The following LBR variants were observed in gnomAD, a reference collection of about 807,000 sequenced individuals.
LBR encodes lamin B receptor, also known as delta(14)-sterol reductase LBR.
Under a neutral mutation model 74.3 loss-of-function variants are expected in LBR, and 28 were observed. That is an observed-to-expected ratio of 0.38 (90% CI 0.28 to 0.52). The LOEUF (loss-of-function observed/expected upper bound fraction) is 0.52. Among genes scored for constraint, LBR ranks in the 20% least tolerant of loss-of-function variants. The probability of loss-of-function intolerance (pLI) is 0.89; values close to 1 mark genes in which losing one functional copy is unlikely to be tolerated. For synonymous variants in LBR, 228 were observed against 269.3 expected (o/e 0.85, Z 1.50); for missense variants, 717 against 760.3 (o/e 0.94, Z 0.67).
chr1:225,401,827 G>A lies in LBR; in HGVS notation c.*1476C>T, dbSNP rs564811845. Reference sequence around the variant, plus strand: ...CTAAAAGAATGTTTAAAGACTACCGGATGCTGGAGCAAACCAACTTCATGA... The same window carrying A: ...CTAAAAGAATGTTTAAAGACTACCGAATGCTGGAGCAAACCAACTTCATGA... On this transcript the variant is annotated 3_prime_UTR_variant, in exon 14 of 14. Transcript: ENST00000272163. 1 of 152,330 alleles carries A rather than the reference G, an allele frequency of 6.6e-6. No homozygotes were observed. Among genetic ancestry groups the A allele is most frequent in the Non-Finnish European group, 1.5e-5 (1 of 68,040 alleles). 9.4% of individuals were successfully genotyped at this position (152,330 alleles called of 1,614,324 possible).
At chr1:225,421,216 G>A (rs561520506) in intron 3 of LBR, among the ~76,000 whole-genome samples, 5 of 152,284 alleles carry the variant, frequency 3.3e-5, no homozygotes, top group Admixed American at 6.5e-5. Flanking sequence ...GTCTGTTGCC[G>A]GGCGCAGTGG....
rs368528482 is a variant in LBR at position 225,404,627 on chromosome 1, T to C, written c.1563A>G (p.Ala521=). The C allele has an allele frequency of 3.1e-6, 5 of 1,607,504 alleles. No homozygotes were observed. Among genetic ancestry groups the C allele is most frequent in the Admixed American group, 3.3e-5 (2 of 60,000 alleles). The change falls in exon 12 of 14, where the codon GCA becomes GCG. Residue 521 remains alanine, a splice_region_variant and synonymous_variant. Transcript: ENST00000272163. ...ATATAAACATAAATCAATACTTACG[T>C]GCAAGCTTTGGATCACTGGGATTTT... is the stretch of plus-strand genomic sequence containing the variant. ...FRKNPSDPKL[A]HLKTIHTSTG...
At chr1:225,412,408 G>A (rs1456861027) in intron 8 of LBR, 46 bp downstream of exon 8, 1 of 1,563,484 alleles carries the variant, frequency 6.4e-7, no homozygotes, top group African/African-American at 1.4e-5. Context: ...GGCTGCTGGA[G>A]GGCTCTGGGA....
At chr1:225,404,264 A>T in intron 13 of LBR, 140 bp downstream of exon 13, 1 of 1,128,534 alleles carries the variant, frequency 8.9e-7, no homozygotes, top group Non-Finnish European at 1.3e-6. Flanking sequence ...AGGAGCTTCT[A>T]CAGAGGCCAA....
chr1:225,416,213 A>AGAG (rs1006790569), intron 6 of LBR, among the ~76,000 whole-genome samples: 3 of 137,858 alleles, frequency 2.2e-5, no homozygotes, highest in East Asian at 2.2e-4. Flanking sequence ...AAAAAAAAAA[A>AGAG]AGAGAGAGAG....
intron 3 of LBR, among the ~76,000 whole-genome samples, chr1:225,420,693 A>G (rs1296560741): frequency 6.6e-6 from 1 of 152,108 alleles, no homozygotes; most frequent in Non-Finnish European, 1.5e-5. Flanking sequence ...CCGGGGTGGT[A>G]AAGAGAGCCA....
chr1:225,423,866 C>T, intron 2 of LBR, 45 bp downstream of exon 2: 1 of 1,553,482 alleles, frequency 6.4e-7, no homozygotes, highest in Non-Finnish European at 8.9e-7. Flanking sequence ...AGAGTTATTT[C>T]CCACTTACTG....
chr1:225,411,866 G>A (rs553872524), intron 8 of LBR, among the ~76,000 whole-genome samples: 2 of 152,354 alleles, frequency 1.3e-5, no homozygotes, highest in South Asian at 2.1e-4. Context: ...CTACAGTGCA[G>A]TGGCACAGTC....
intron 11 of LBR, among the ~76,000 whole-genome samples, chr1:225,404,958 G>A (rs747433001): frequency 1.5e-4 from 23 of 152,198 alleles, no homozygotes; most frequent in East Asian, 3.9e-4. Flanking sequence ...ATGGTAACCC[G>A]TCCGAAATCT....
Position 225,403,421 on chromosome 1 carries a change from G to A in LBR, c.1730C>T (p.Thr577Ile), listed in dbSNP as rs143181005. ...AGCTTCTCGGTGGACAAGCAACATG[G>A]TGAAATAAATTATGTAGAAATAAGG... ...ILPYFYIIYF[T>I]MLLVHREARD... The change falls in exon 14 of 14, where the codon ACC becomes ATC. Residue 577 changes from threonine to isoleucine, a missense_variant. Physicochemically the swap from Thr to Ile is moderately conservative, Grantham distance 89 (BLOSUM62 -1). Transcript: ENST00000272163. The A allele has an allele frequency of 6.2e-6, 10 of 1,611,098 alleles. No individual in the cohort carries two copies. The African/African-American group carries it at 1.3e-4, about 22-fold the overall frequency.
chr1:225,408,593 A>C lies in LBR; in HGVS notation c.1314+1698T>G, dbSNP rs535332108. ...TCTTGAATACAGAGGGATTTCTATC[A>C]AGTGACCTGACAGAAGTTATTAAGC... On this transcript the variant is annotated intron_variant, in intron 10 of 13. Coordinates refer to ENST00000272163, the MANE Select transcript of LBR (RefSeq NM_002296.4). Among the ~76,000 whole-genome samples the C allele has an allele frequency of 8.5e-5, 13 of 152,380 alleles. No homozygotes were observed. The South Asian group carries it at 2.5e-3, about 29-fold the overall frequency.
Position 225,423,308 on chromosome 1 carries a change from T to C in LBR, c.165+603A>G, listed in dbSNP as rs191981216. On this transcript the variant is annotated intron_variant, in intron 2 of 13. Transcript: ENST00000272163. The stretch of plus-strand genomic sequence containing the variant: ...AAAACCCAGGCCCTCACCAGACAGG[T>C]TGAAAAGCCCTGGGCTAGACTCGAA... Among the ~76,000 whole-genome samples, 377 of 152,266 alleles carry C rather than the reference T, an allele frequency of 2.5e-3. 2 individuals are homozygous for C. Among genetic ancestry groups the C allele is most frequent in the Non-Finnish European group, 3.9e-3 (262 of 68,022 alleles).
Position 225,410,323 on chromosome 1 carries a change from G to A in LBR, c.1282C>T (p.Leu428Phe), listed in dbSNP as rs2096102122. Reference protein sequence around the residue: ...LAMILVNSFQLLYVVDALWNE... With the variant: ...LAMILVNSFQFLYVVDALWNE... Reference sequence around the variant, plus strand: ...CAGAGAGCATCCACCACATAGAGAAGCTGGAAACTATTAACTAAAATCATG... The same window carrying A: ...CAGAGAGCATCCACCACATAGAGAAACTGGAAACTATTAACTAAAATCATG... Residue 428 changes from leucine to phenylalanine, a missense_variant, in exon 10 of 14, where the codon CTT (leucine) becomes TTT (phenylalanine). Transcript: ENST00000272163. 1 of 1,614,146 alleles carries A rather than the reference G, an allele frequency of 6.2e-7. No homozygotes were observed. Among genetic ancestry groups the A allele is most frequent in the Non-Finnish European group, 8.5e-7 (1 of 1,180,022 alleles).
At chr1:225,417,921 C>T in intron 6 of LBR, 63 bp downstream of exon 6, 1 of 1,485,226 alleles carries the variant, frequency 6.7e-7, no homozygotes, top group Non-Finnish European at 9.3e-7. Flanking sequence ...AATTGGAGAC[C>T]CGCCTGGACA....
intron 7 of LBR, chr1:225,414,139 A>G (rs776948675): frequency 3.7e-5 from 17 of 456,706 alleles, no homozygotes; most frequent in South Asian, 2.3e-4. Flanking sequence ...AAAGCAACAA[A>G]AAGTCTAACA....
intron 7 of LBR, chr1:225,413,945 C>T (rs3766928): frequency 0.62 from 282,816 of 456,516 alleles, 91,601 homozygotes; most frequent in East Asian, 0.86. Flanking sequence ...TAACACAAGA[C>T]TACTTAGAAA....
At chr1:225,424,138 G>T in intron 1 of LBR, 49 bp from the exon 2 acceptor site, 2 of 1,391,806 alleles carry the variant, frequency 1.4e-6, no homozygotes, top group Non-Finnish European at 2.0e-6. Context: ...ACACATTTAT[G>T]TATTCGTCTT....
Position 225,410,410 on chromosome 1 carries a change from T to C in LBR, c.1195A>G (p.Ile399Val), listed in dbSNP as rs2150948268. The C allele has an allele frequency of 6.2e-7, 1 of 1,614,126 alleles. No individual in the cohort carries two copies. The highest frequency in any genetic ancestry group is 8.5e-7 in the Non-Finnish European group (1 of 1,180,022). The change falls in exon 10 of 14, where the codon ATT becomes GTT. Residue 399 changes from isoleucine to valine, a missense_variant. Ile to Val is a conservative substitution (Grantham distance 29). Transcript: ENST00000272163. ...TCAGCCAAAAGCATCACCAAGTTAA[T>C]AACCACCTGAAACAAAAGGGGAAAG... ...LRPGLIGWVV[I>V]NLVMLLAEMK...
upstream of LBR, chr1:225,428,724 G>C (rs2096146426): frequency 1.3e-5 from 2 of 152,210 alleles, no homozygotes; most frequent in African/African-American, 4.8e-5. Context: ...GAGGGGCTCG[G>C]TTGTTACCCG....
Sources: allele counts gnomAD v4.1 joint callset (sites outside exome capture counted in the v4.1 genomes callset), GRCh38; gene constraint gnomAD v4.1.1; transcripts MANE v1.5; gene names NCBI Gene and HGNC (gene_info 2026-07-23, HGNC 2026-07-21).